CLTC: variants seen among roughly 807,000 people sequenced by gnomAD.
CLTC encodes the protein clathrin heavy chain 1.
Under a neutral mutation model 195.8 loss-of-function variants are expected in CLTC, and 16 were observed. The ratio of observed to expected loss-of-function variants is 0.08; its 90% CI spans 0.06 to 0.12. CLTC has a LOEUF of 0.12. CLTC is among the 10% of genes least tolerant of loss of function. CLTC has a pLI of 1.00. For missense variants in CLTC, 796 were observed against 2,027.0 expected (o/e 0.39, Z 11.66); for synonymous variants, 667 against 689.4 (o/e 0.97, Z 0.51).
At chr17:59,638,169 T>A (rs1036903316) in intron 1 of CLTC, among the ~76,000 whole-genome samples, 1 of 151,984 alleles carries the variant, frequency 6.6e-6, no homozygotes, top group Non-Finnish European at 1.5e-5. Context: ...AAAGTACTGA[T>A]ATGTTGTATG....
At chr17:59,686,903 A>G (rs1490810857) in intron 30 of CLTC, 1 of 664,002 alleles carries the variant, frequency 1.5e-6, no homozygotes, top group Non-Finnish European at 1.9e-6. Flanking sequence ...TAGTGGTTAG[A>G]TGTTTCTTCC....
intron 1 of CLTC, among the ~76,000 whole-genome samples, chr17:59,630,950 C>A (rs749407813): frequency 6.6e-6 from 1 of 152,188 alleles, no homozygotes; most frequent in Non-Finnish European, 1.5e-5. Context: ...ATGGTAATTT[C>A]TCTGTTTCAA....
At chr17:59,630,103 C>T (rs1180522155) in intron 1 of CLTC, among the ~76,000 whole-genome samples, 1 of 151,868 alleles carries the variant, frequency 6.6e-6, no homozygotes, top group Non-Finnish European at 1.5e-5. Flanking sequence ...CAGGCTCCAG[C>T]CATCCTCTCA....
At chr17:59,647,369 T>G in intron 2 of CLTC, 29 bp from the exon 3 acceptor site, 1 of 1,565,044 alleles carries the variant, frequency 6.4e-7, no homozygotes, top group South Asian at 1.1e-5. Flanking sequence ...ACTCTTTTAA[T>G]GATTTATAAT....
chr17:59,672,506 T>C (rs1442874785), intron 14 of CLTC, among the ~76,000 whole-genome samples: 2 of 152,174 alleles, frequency 1.3e-5, no homozygotes, highest in Non-Finnish European at 2.9e-5. Flanking sequence ...TTTACATAGA[T>C]AGATGCAGAC....
chr17:59,679,575 T>G, intron 18 of CLTC, 56 bp downstream of exon 18: 3 of 1,493,960 alleles, frequency 2.0e-6, no homozygotes, highest in Non-Finnish European at 2.7e-6. Flanking sequence ...TTTTTAACTA[T>G]GAATACAATC....
At chr17:59,661,361 T>C in intron 7 of CLTC, 82 bp from the exon 8 acceptor site, 2 of 1,056,584 alleles carry the variant, frequency 1.9e-6, no homozygotes, top group African/African-American at 1.6e-5. Context: ...TTTAGTGTGA[T>C]GTTTGGATCA....
At chr17:59,646,794 C>G (rs2032207048) in intron 2 of CLTC, among the ~76,000 whole-genome samples, 1 of 152,156 alleles carries the variant, frequency 6.6e-6, no homozygotes, top group African/African-American at 2.4e-5. Context: ...CTATCCTCTT[C>G]CTTTGTCTCC....
intron 28 of CLTC, chr17:59,684,401 T>G (rs141632317): frequency 2.1e-4 from 36 of 173,664 alleles, no homozygotes; most frequent in Non-Finnish European, 3.9e-4. Flanking sequence ...AGAGTTAAGC[T>G]TAAGCTACTT....
chr17:59,643,806 T>A (rs578203927), intron 1 of CLTC, among the ~76,000 whole-genome samples: 1 of 152,364 alleles, frequency 6.6e-6, no homozygotes, highest in Non-Finnish European at 1.5e-5. Flanking sequence ...ACTTGTTTGC[T>A]CTTGCTATTC....
At chr17:59,664,478 G>C (rs2032678925) in intron 9 of CLTC, among the ~76,000 whole-genome samples, 1 of 151,572 alleles carries the variant, frequency 6.6e-6, no homozygotes, top group African/African-American at 2.4e-5. Flanking sequence ...TTGAGCCCAG[G>C]GGGCAGAGGT....
intron 1 of CLTC, among the ~76,000 whole-genome samples, chr17:59,632,043 G>A (rs1384338754): frequency 2.6e-5 from 4 of 151,522 alleles, no homozygotes; most frequent in African/African-American, 9.7e-5. Context: ...GTGTGTTTGT[G>A]TGTGTGACAG....
intron 18 of CLTC, among the ~76,000 whole-genome samples, chr17:59,680,527 G>A (rs1372246306): frequency 6.6e-6 from 1 of 152,130 alleles, no homozygotes; most frequent in Non-Finnish European, 1.5e-5. Flanking sequence ...AAGGTTGTGG[G>A]GGTGGGGGCG....
Position 59,686,994 on chromosome 17 carries a change from T to C in CLTC, c.4827+1186T>C, listed in dbSNP as rs1450290913. On this transcript the variant is annotated intron_variant, in intron 30 of 31. Coordinates refer to ENST00000269122, the MANE Select transcript of CLTC (RefSeq NM_004859.4). ...TTCTAAGCTGCACCTTCTGAATTCC[T>C]TTGCAGGTTGATGCAATAAAGGAAA... 6 of 988,784 alleles carry C rather than the reference T, an allele frequency of 6.1e-6. No homozygotes were observed. The East Asian group carries it at 5.2e-4, about 86-fold the overall frequency. 61.3% of individuals were successfully genotyped at this position (988,784 alleles called of 1,614,324 possible).
At position 59,696,380 on chromosome 17, in the gene CLTC, T is replaced by C. The variant is rs1391204369; in HGVS notation, c.*2528T>C. 1 of 219,406 alleles carries C rather than the reference T, an allele frequency of 4.6e-6. No individual in the cohort carries two copies. The allele number at this position is 219,406 out of a possible 1,614,324, so 13.6% of individuals were successfully genotyped here. ...GACCTTAGACCTTGAGATGGTGCTA[T>C]AACGCTGCTTATATTGCAGTTAACC... On this transcript the variant is annotated 3_prime_UTR_variant, in exon 32 of 32. Transcript: ENST00000269122.
intron 1 of CLTC, among the ~76,000 whole-genome samples, chr17:59,639,667 A>G (rs1002119215): frequency 6.6e-6 from 1 of 152,098 alleles, no homozygotes; most frequent in Non-Finnish European, 1.5e-5. Flanking sequence ...GCTTAGTTCC[A>G]TAGTGTATAA....
In CLTC at chr17:59,682,265, A is replaced by C; in HGVS notation, c.3443-6A>C. 1 of 1,610,918 alleles carries C rather than the reference A, an allele frequency of 6.2e-7. No individual in the cohort carries two copies. The highest frequency in any genetic ancestry group is 8.5e-7 in the Non-Finnish European group (1 of 1,178,950). ...TTGGATATATTTTTTCTTTTTCTAT[A>C]CTTAGGAAACTGGGAAGAACTGGTG... is the stretch of plus-strand genomic sequence containing the variant. On this transcript the variant is annotated splice_polypyrimidine_tract_variant and splice_region_variant and intron_variant, in intron 21 of 31. Coordinates refer to ENST00000269122, the MANE Select transcript of CLTC (RefSeq NM_004859.4). The surrounding 1 kb of genome is among the most constrained non-coding windows in gnomAD (Gnocchi z 6.8).
intron 3 of CLTC, among the ~76,000 whole-genome samples, 170 bp downstream of exon 3, chr17:59,647,836 T>G (rs111610931): frequency 6.6e-6 from 1 of 152,046 alleles, no homozygotes; most frequent in African/African-American, 2.4e-5. Flanking sequence ...CCTTCCTCCC[T>G]CCCTTCTCTT....
intron 5 of CLTC, among the ~76,000 whole-genome samples, chr17:59,654,147 T>C (rs950723751): frequency 1.3e-5 from 2 of 151,970 alleles, no homozygotes; most frequent in South Asian, 2.1e-4. Context: ...TACAGACACA[T>C]ACCACTGCAC....
Sources: gnomAD v4.1 joint callset for allele counts (sites outside exome capture counted in the v4.1 genomes callset) on GRCh38, gnomAD v4.1.1 for gene constraint, Gnocchi (gnomAD v3.1) non-coding constraint, MANE v1.5 for transcripts, NCBI Gene and HGNC (gene_info 2026-07-23, HGNC 2026-07-21) for gene names.